Variants in TMEM163 observed in about 807,000 individuals in gnomAD.
TMEM163 encodes the protein transmembrane protein 163.
TMEM163 carries 17 observed loss-of-function variants against 29.3 expected under a neutral mutation model. The ratio of observed to expected loss-of-function variants is 0.58; its 90% confidence interval spans 0.40 to 0.87. TMEM163 has a LOEUF of 0.87. TMEM163 is among the 40% of genes least tolerant of loss of function. The pLI, the probability that TMEM163 is intolerant of heterozygous loss-of-function variation, is 0.00. For missense variants in TMEM163, 303 were observed against 381.5 expected (o/e 0.79, Z 1.71); for synonymous variants, 157 against 160.6 (o/e 0.98, Z 0.17).
intron 2 of TMEM163, among the ~76,000 whole-genome samples, chr2:134,683,350 G>A (rs73958790): frequency 0.012 from 1,823 of 151,414 alleles, 31 homozygotes; most frequent in African/African-American, 0.04. Context: ...TATGGGGGCA[G>A]AGTATATGGA....
chr2:134,506,760 C>T (rs924779602), intron 4 of TMEM163, among the ~76,000 whole-genome samples: 15 of 152,210 alleles, frequency 9.9e-5, no homozygotes, highest in African/African-American at 3.4e-4. Context: ...GCAAACAGTG[C>T]AAATATGACT....
chr2:134,482,723 CT>C (rs1679219725), intron 5 of TMEM163, among the ~76,000 whole-genome samples: 1 of 152,204 alleles, frequency 6.6e-6, no homozygotes, highest in Admixed American at 6.5e-5. Flanking sequence ...TCCATTTCCC[CT>C]GGTTATTAAA....
chr2:134,533,964 GC>G (rs1285508356), intron 4 of TMEM163, among the ~76,000 whole-genome samples: 2 of 151,986 alleles, frequency 1.3e-5, no homozygotes, highest in African/African-American at 2.4e-5. Context: ...ACCTTCCTTG[GC>G]CCCCAACTTC....
chr2:134,646,383 C>T (rs554370432), intron 2 of TMEM163, among the ~76,000 whole-genome samples: 24 of 150,934 alleles, frequency 1.6e-4, no homozygotes, highest in African/African-American at 5.6e-4. Context: ...CTGTATGTGG[C>T]CTAGATGGCT....
intron 2 of TMEM163, among the ~76,000 whole-genome samples, chr2:134,613,023 CACA>C (rs1482327673): frequency 2.0e-5 from 3 of 152,060 alleles, no homozygotes; most frequent in African/African-American, 7.2e-5. Context: ...TTAAAAATAT[CACA>C]ACAATGTCTA....
intron 2 of TMEM163, among the ~76,000 whole-genome samples, chr2:134,592,890 A>AGATAGATAGATAGATAGATG (rs1471437013): frequency 6.6e-6 from 1 of 152,104 alleles, no homozygotes; most frequent in Non-Finnish European, 1.5e-5. Flanking sequence ...ATAGATAGAT[A>AGATAGATAGATAGATAGATG]GACCAACCCT....
At chr2:134,658,623 A>C (rs202245350) in intron 2 of TMEM163, among the ~76,000 whole-genome samples, 1 of 151,948 alleles carries the variant, frequency 6.6e-6, no homozygotes, top group Non-Finnish European at 1.5e-5. Context: ...TTTGAGACCG[A>C]GTCTCACTCT....
intron 2 of TMEM163, among the ~76,000 whole-genome samples, chr2:134,657,905 A>G (rs1574316739): frequency 6.6e-6 from 1 of 152,322 alleles, no homozygotes; most frequent in Non-Finnish European, 1.5e-5. Flanking sequence ...ACTGGGTACT[A>G]TGCTCATTAC....
intron 2 of TMEM163, among the ~76,000 whole-genome samples, chr2:134,686,752 A>G (rs1108035): frequency 0.81 from 123,459 of 152,244 alleles, 50,778 homozygotes; most frequent in African/African-American, 0.88. Context: ...CCCTACTTGC[A>G]AGGTAACAAG....
chr2:134,634,295 T>C (rs1006755901), intron 2 of TMEM163, among the ~76,000 whole-genome samples: 2 of 152,102 alleles, frequency 1.3e-5, no homozygotes, highest in Non-Finnish European at 2.9e-5. Context: ...GGCTTTGGCA[T>C]CTGCCAATTA....
chr2:134,626,411 T>A (rs1392966641), intron 2 of TMEM163, among the ~76,000 whole-genome samples: 1 of 152,050 alleles, frequency 6.6e-6, no homozygotes, highest in Non-Finnish European at 1.5e-5. Context: ...AGCCTCCTTT[T>A]CCAGCTTTTA....
chr2:134,649,156 A>G (rs1332030444), intron 2 of TMEM163, among the ~76,000 whole-genome samples: 1 of 152,258 alleles, frequency 6.6e-6, no homozygotes, highest in East Asian at 1.9e-4. Flanking sequence ...TTCACATGAA[A>G]TACAACAAAG....
chr2:134,551,318 T>C (rs1027320582), intron 3 of TMEM163, among the ~76,000 whole-genome samples: 2 of 151,992 alleles, frequency 1.3e-5, no homozygotes, highest in Non-Finnish European at 2.9e-5. Context: ...TCCTGGATGG[T>C]CCACATCTTT....
chr2:134,522,709 A>G (rs1680213364), intron 4 of TMEM163, among the ~76,000 whole-genome samples: 2 of 152,264 alleles, frequency 1.3e-5, no homozygotes, highest in African/African-American at 4.8e-5. Flanking sequence ...AGTAAAGAGA[A>G]AAGTCATTTA....
chr2:134,585,649 G>A (rs1170653941), intron 2 of TMEM163, among the ~76,000 whole-genome samples: 2 of 152,068 alleles, frequency 1.3e-5, no homozygotes, highest in African/African-American at 4.8e-5. Flanking sequence ...GGCTGAAGCA[G>A]GAGGATGGCG....
intron 2 of TMEM163, among the ~76,000 whole-genome samples, chr2:134,584,184 T>C (rs917377256): frequency 6.6e-6 from 1 of 152,258 alleles, no homozygotes; most frequent in Non-Finnish European, 1.5e-5. Context: ...AGTCATATTT[T>C]GGATGCCCTA....
At chr2:134,563,761 A>G (rs948103855) in intron 2 of TMEM163, among the ~76,000 whole-genome samples, 3 of 152,214 alleles carry the variant, frequency 2.0e-5, no homozygotes, top group Non-Finnish European at 4.4e-5. Flanking sequence ...AGAATCAGGA[A>G]TAGCCAAGAC....
At chr2:134,584,108 C>T (rs189390777) in intron 2 of TMEM163, among the ~76,000 whole-genome samples, 173 of 152,294 alleles carry the variant, frequency 1.1e-3, no homozygotes, top group Non-Finnish European at 1.6e-3. Flanking sequence ...TATTGCTTGG[C>T]AGATGTAAAG....
chr2:134,612,542 A>AACACACAC (rs3039625), intron 2 of TMEM163, among the ~76,000 whole-genome samples: 11,054 of 140,534 alleles, frequency 0.079, 698 homozygotes, highest in African/African-American at 0.16. Context: ...GGTTTGCCCC[A>AACACACAC]ACACACACAC....
Sources: allele counts gnomAD v4.1 joint callset (sites outside exome capture counted in the v4.1 genomes callset), GRCh38; gene constraint gnomAD v4.1.1; transcripts MANE v1.5; gene names NCBI Gene and HGNC (gene_info 2026-07-23, HGNC 2026-07-21).